The following C3orf33 variants were observed in gnomAD, a reference collection of about 807,000 sequenced individuals.
C3orf33 encodes mitochondrial inner membrane subdomain organizer 1.
In C3orf33, 23 loss-of-function variants were observed where a neutral mutation model predicts 28.7. The observed-to-expected ratio is 0.80, with a 90% CI of 0.58 to 1.13. The LOEUF (loss-of-function observed/expected upper bound fraction) is 1.13. Ranked by LOEUF, C3orf33 falls within the 50% of genes most tolerant of loss-of-function variation. The pLI, the probability that C3orf33 is intolerant of heterozygous loss-of-function variation, is 0.00. For missense variants in C3orf33, 327 were observed against 353.4 expected (o/e 0.93, Z 0.60); for synonymous variants, 119 against 120.5 (o/e 0.99, Z 0.08).
At chr3:155,796,923 G>C (rs1417581728) in intron 2 of C3orf33, among the ~76,000 whole-genome samples, 1 of 152,198 alleles carries the variant, frequency 6.6e-6, no homozygotes, top group African/African-American at 2.4e-5. Flanking sequence ...TGGCATGGTG[G>C]CTCATGACTG....
rs1750729430 is a variant in C3orf33, at chr3:155,775,795, A to G, written c.228T>C (p.Asn76=). ...SDIPVEFIRR[N]VKLRGRLRRI... is the part of the protein sequence containing the mutation. ...GGCGTAATCGTCCACGTAGTTTAACATTTCTTCTTATAAATTCTACTGGAA... is the reference window on the plus strand; with the variant it reads ...GGCGTAATCGTCCACGTAGTTTAACGTTTCTTCTTATAAATTCTACTGGAA... Residue 76 remains asparagine, a synonymous_variant, in exon 3 of 5, where the codon AAT becomes AAC. Transcript: ENST00000340171. 2 of 1,598,128 alleles carry G rather than the reference A, an allele frequency of 1.3e-6. No individual in the cohort carries two copies. The highest frequency in any genetic ancestry group is 1.7e-6 in the Non-Finnish European group (2 of 1,167,274).
intron 4 of C3orf33, among the ~76,000 whole-genome samples, chr3:155,766,498 C>A (rs1750405569): frequency 6.6e-6 from 1 of 152,216 alleles, no homozygotes. Context: ...TTGGACCAGA[C>A]TAAGCAAACC....
At position 155,767,588 on chromosome 3, in the gene C3orf33, A is replaced by G; in HGVS notation, c.404T>C (p.Leu135Pro). The change falls in exon 4 of 5, where the codon CTA becomes CCA. Residue 135 changes from leucine to proline, a missense_variant. Physicochemically the swap from Leu to Pro is moderately conservative, Grantham distance 98. Transcript: ENST00000340171. ...ETGKAWLQKE[L>P]KPSQLLWFQL... Reference sequence around the variant, plus strand: ...GAACCATAGTAATTGGGAAGGTTTTAGCTCTTTTTGTAACCATGCCTTCCC... The same window carrying G: ...GAACCATAGTAATTGGGAAGGTTTTGGCTCTTTTTGTAACCATGCCTTCCC... The G allele has an allele frequency of 1.3e-6, 2 of 1,598,674 alleles. No homozygotes were observed. The highest frequency in any genetic ancestry group is 2.3e-5 in the South Asian group (2 of 88,312).
chr3:155,766,650 C>T (rs999502107), intron 4 of C3orf33, among the ~76,000 whole-genome samples: 1 of 152,222 alleles, frequency 6.6e-6, no homozygotes, highest in Admixed American at 6.5e-5. Flanking sequence ...TGCCCAGAGT[C>T]ATTAGTAATT....
At chr3:155,777,459 T>A (rs1029309633) in intron 2 of C3orf33, among the ~76,000 whole-genome samples, 13 of 152,068 alleles carry the variant, frequency 8.5e-5, no homozygotes, top group Non-Finnish European at 1.6e-4. Context: ...TTTTTTTTTT[T>A]AGACAGGGTC....
chr3:155,772,576 C>CT (rs371722784), intron 3 of C3orf33, among the ~76,000 whole-genome samples: 6,119 of 141,800 alleles, frequency 0.043, 349 homozygotes, highest in African/African-American at 0.13. Context: ...GTGTCAAAAA[C>CT]TTTTTTTTTT....
At position 155,767,802 on chromosome 3, in the gene C3orf33, C is replaced by T. The variant is rs573870905; in HGVS notation, c.323-133G>A. On this transcript the variant is annotated intron_variant, in intron 3 of 4. Transcript: ENST00000340171. ...AATACCCAGTCTCTCTAACTGTAGA[C>T]CCATTTATTTCTATATTCAAGTTTT... 4 of 520,894 alleles carry T rather than the reference C, an allele frequency of 7.7e-6. No homozygotes were observed. The Admixed American group carries it at 1.6e-4, about 21-fold the overall frequency. 32.3% of individuals were successfully genotyped at this position (520,894 alleles called of 1,614,324 possible).
chr3:155,775,701 T>G lies in C3orf33; in HGVS notation c.322A>C (p.Lys108Gln). The G allele has an allele frequency of 6.6e-7, 1 of 1,520,256 alleles. No individual in the cohort carries two copies. The highest frequency in any genetic ancestry group is 9.0e-7 in the Non-Finnish European group (1 of 1,113,178). 94.2% of individuals were successfully genotyped at this position (1,520,256 alleles called of 1,614,324 possible). The stretch of plus-strand genomic sequence containing the variant: ...TTCATTAATCTTGTACCTTACTTAC[T>G]TCTCAATGAAGCTATAATAGGTAAA... ...ITLPIIASLR[K>Q]EPRGALLVKL... Residue 108 changes from lysine (K) to glutamine (Q), a missense_variant and splice_region_variant, in exon 3 of 5, where the codon AAA becomes CAA. Physicochemically the swap from Lys to Gln is moderately conservative, Grantham distance 53 (BLOSUM62 1). Transcript: ENST00000340171.
chr3:155,798,508 A>G (rs1361378964), intron 2 of C3orf33, among the ~76,000 whole-genome samples: 4 of 152,234 alleles, frequency 2.6e-5, no homozygotes, highest in East Asian at 1.9e-4. Context: ...TGCCAAGAAC[A>G]TAAGTTGGAG....
intron 1 of C3orf33, chr3:155,805,717 C>T (rs1326504646): frequency 6.7e-6 from 3 of 447,848 alleles, no homozygotes; most frequent in Non-Finnish European, 8.9e-6. Context: ...AGAGGAATAC[C>T]GTGTCCCTAA....
chr3:155,790,962 A>G (rs1288792975), intron 2 of C3orf33, among the ~76,000 whole-genome samples: 1 of 152,204 alleles, frequency 6.6e-6, no homozygotes, highest in Non-Finnish European at 1.5e-5. Context: ...TGGGGAATAC[A>G]TGACCCAGTG....
intron 1 of C3orf33, among the ~76,000 whole-genome samples, chr3:155,803,188 A>T (rs1445490515): frequency 6.6e-6 from 1 of 151,442 alleles, no homozygotes; most frequent in Non-Finnish European, 1.5e-5. Flanking sequence ...AAAGGAGTTA[A>T]TGAAAAATTA....
At chr3:155,773,006 G>A (rs1470414215) in intron 3 of C3orf33, among the ~76,000 whole-genome samples, 1 of 152,080 alleles carries the variant, frequency 6.6e-6, no homozygotes, top group Non-Finnish European at 1.5e-5. Flanking sequence ...CTACTACTAT[G>A]TTGAGTCATT....
chr3:155,793,536 G>A (rs758700348), intron 2 of C3orf33, among the ~76,000 whole-genome samples: 16 of 151,940 alleles, frequency 1.1e-4, no homozygotes, highest in East Asian at 3.9e-4. Context: ...AAGGCCAGGC[G>A]CAGTGACTCA....
intron 2 of C3orf33, among the ~76,000 whole-genome samples, chr3:155,789,733 A>T (rs548933690): frequency 6.6e-6 from 1 of 152,366 alleles, no homozygotes; most frequent in Non-Finnish European, 1.5e-5. Context: ...TAGAAGCTAC[A>T]GTAATCAAAA....
intron 2 of C3orf33, among the ~76,000 whole-genome samples, chr3:155,791,089 G>A (rs1751301449): frequency 6.6e-6 from 1 of 152,160 alleles, no homozygotes; most frequent in Admixed American, 6.5e-5. Flanking sequence ...AGAGGAAAAG[G>A]AAGAGTAAAC....
At chr3:155,767,158 C>T (rs1401956706) in intron 4 of C3orf33, among the ~76,000 whole-genome samples, 1 of 151,454 alleles carries the variant, frequency 6.6e-6, no homozygotes, top group East Asian at 2.0e-4. Flanking sequence ...GAGGCTGAGG[C>T]AGAAGAATCA....
intron 2 of C3orf33, among the ~76,000 whole-genome samples, chr3:155,783,894 T>C (rs748729592): frequency 1.2e-4 from 18 of 152,108 alleles, no homozygotes; most frequent in Admixed American, 1.1e-3. Flanking sequence ...ATTATTAGTT[T>C]ATGGGTTTTT....
intron 3 of C3orf33, among the ~76,000 whole-genome samples, chr3:155,770,066 G>A (rs917730909): frequency 2.6e-5 from 4 of 152,188 alleles, no homozygotes; most frequent in African/African-American, 9.7e-5. Context: ...ACCACACTTT[G>A]AAACTGCCCG....
Sources: allele counts gnomAD v4.1 joint callset (sites outside exome capture counted in the v4.1 genomes callset), GRCh38; gene constraint gnomAD v4.1.1; transcripts MANE v1.5; gene names NCBI Gene and HGNC (gene_info 2026-07-23, HGNC 2026-07-21).